The following SDK1 variants were observed in gnomAD, a reference collection of about 807,000 sequenced individuals.
The protein encoded by SDK1 is protein sidekick-1.
In SDK1, 157 loss-of-function variants were observed where a neutral mutation model predicts 245.5. That is an observed-to-expected ratio of 0.64 (90% CI 0.56 to 0.73). SDK1 has a LOEUF of 0.73. Ranked by LOEUF, SDK1 falls within the 30% of genes least tolerant of loss-of-function variation. SDK1 has a pLI of 0.00. For synonymous variants in SDK1, 1,647 were observed against 1,278.5 expected (o/e 1.29, Z -6.15); for missense variants, 3,583 against 3,002.3 (o/e 1.19, Z -4.52).
intron 27 of SDK1, 178 bp downstream of exon 27, chr7:4,130,275 G>A: frequency 1.5e-6 from 1 of 653,762 alleles, no homozygotes; most frequent in Non-Finnish European, 2.6e-6. Flanking sequence ...GCCAATTTCA[G>A]CCTGGAGTGG....
At position 3,302,627 on chromosome 7, in the gene SDK1, C is replaced by T. The variant is rs532328978; in HGVS notation, c.298+743C>T. On this transcript the variant is annotated intron_variant, in intron 1 of 44. Transcript: ENST00000404826. The stretch of plus-strand genomic sequence containing the variant: ...GCTTCCCTCCACCCCCTCCCCGCCC[C>T]CGACAAAACCCGTAACGTACCCCTG... Among the ~76,000 whole-genome samples the T allele has an allele frequency of 4.4e-3, 660 of 151,134 alleles. 4 individuals are homozygous for T. Among genetic ancestry groups the T allele is most frequent in the Non-Finnish European group, 7.0e-3 (477 of 67,718 alleles).
rs1781779663 is a variant in SDK1 at position 3,962,506 on chromosome 7, G to T, written c.1235-151G>T. On this transcript the variant is annotated intron_variant, in intron 8 of 44. Transcript: ENST00000404826. Reference sequence around the variant, plus strand: ...GTGTCGATGGCTTCATCTACAACGAGAAAAATAGCTCCTTATAGGGTGGTT... The same window carrying T: ...GTGTCGATGGCTTCATCTACAACGATAAAAATAGCTCCTTATAGGGTGGTT... 4 of 677,844 alleles carry T rather than the reference G, an allele frequency of 5.9e-6. No individual in the cohort carries two copies. The South Asian group carries it at 8.0e-5, about 14-fold the overall frequency. 42.0% of individuals were successfully genotyped at this position (677,844 alleles called of 1,614,324 possible).
chr7:4,059,712 C>T (rs1779414928), intron 19 of SDK1, among the ~76,000 whole-genome samples: 1 of 152,066 alleles, frequency 6.6e-6, no homozygotes, highest in Admixed American at 6.6e-5. Context: ...ATCTCAACAA[C>T]TTTTAAAAGA....
At position 3,950,953 on chromosome 7, in the gene SDK1, C is replaced by A. The variant is rs1171567610; in HGVS notation, c.878C>A (p.Pro293Gln). ...GTTGGCACACCTGAAACCATGGCCC[C>A]AACCATTGTGGTTCCCCCGGGCAAC... is the stretch of plus-strand genomic sequence containing the variant. Reference protein sequence around the residue: ...RDVGTPETMAPTIVVPPGNRS... With the variant: ...RDVGTPETMAQTIVVPPGNRS... Residue 293 changes from proline to glutamine, a missense_variant, in exon 6 of 45, where the codon CCA (proline) becomes CAA (glutamine). Physicochemically the swap from Pro to Gln is moderately conservative, Grantham distance 76 (BLOSUM62 -1). Transcript: ENST00000404826. 6.2e-7 allele frequency: 1 copy of A among 1,614,074 alleles called. No homozygotes were observed. Among genetic ancestry groups the A allele is most frequent in the Non-Finnish European group, 8.5e-7 (1 of 1,179,986 alleles).
At chr7:3,314,049 G>C (rs969143323) in intron 1 of SDK1, among the ~76,000 whole-genome samples, 1 of 152,110 alleles carries the variant, frequency 6.6e-6, no homozygotes, top group African/African-American at 2.4e-5. Context: ...TAGTTTATTA[G>C]GGCATACACA....
intron 33 of SDK1, 113 bp from the exon 34 acceptor site, chr7:4,175,662 G>A: frequency 2.3e-6 from 2 of 876,906 alleles, no homozygotes; most frequent in Non-Finnish European, 3.9e-6. Context: ...CGCAGCGTGG[G>A]AAGTGGCTGG....
intron 4 of SDK1, among the ~76,000 whole-genome samples, chr7:3,651,409 A>G (rs1316033457): frequency 6.6e-6 from 1 of 152,220 alleles, no homozygotes; most frequent in Admixed American, 6.5e-5. Flanking sequence ...GTTGTGAGAA[A>G]TGTGTTCATT....
intron 4 of SDK1, among the ~76,000 whole-genome samples, chr7:3,750,037 G>A (rs1169164121): frequency 6.6e-6 from 1 of 152,170 alleles, no homozygotes. Context: ...GTGTGTGTTA[G>A]GGTCCAATAA....
chr7:3,584,142 G>C (rs748090303), intron 1 of SDK1, among the ~76,000 whole-genome samples: 2 of 152,222 alleles, frequency 1.3e-5, no homozygotes, highest in South Asian at 2.1e-4. Flanking sequence ...ATTGTAAAAA[G>C]ATTCTGTGCT....
At chr7:3,872,821 C>T (rs1243546534) in intron 5 of SDK1, among the ~76,000 whole-genome samples, 1 of 152,046 alleles carries the variant, frequency 6.6e-6, no homozygotes, top group Non-Finnish European at 1.5e-5. Flanking sequence ...CCACATAATG[C>T]TATGCTGCTT....
intron 40 of SDK1, among the ~76,000 whole-genome samples, chr7:4,230,214 T>C (rs1267695343): frequency 7.2e-6 from 1 of 138,956 alleles, no homozygotes; most frequent in Non-Finnish European, 1.6e-5. Flanking sequence ...TGAGTAGATG[T>C]GTGGATGGAT....
At chr7:3,835,122 G>A (rs1404831050) in intron 5 of SDK1, among the ~76,000 whole-genome samples, 2 of 152,136 alleles carry the variant, frequency 1.3e-5, no homozygotes, top group African/African-American at 4.8e-5. Flanking sequence ...GGCCTGAATA[G>A]CAGCCTGGGC....
chr7:4,181,290 G>C (rs1444781918), intron 35 of SDK1, among the ~76,000 whole-genome samples: 1 of 152,226 alleles, frequency 6.6e-6, no homozygotes, highest in African/African-American at 2.4e-5. Flanking sequence ...CCTTTTCATG[G>C]CTGAGTAATA....
intron 1 of SDK1, among the ~76,000 whole-genome samples, chr7:3,518,484 A>G (rs1365087490): frequency 1.4e-5 from 2 of 139,500 alleles, no homozygotes; most frequent in African/African-American, 5.2e-5. Context: ...AAACATCTGA[A>G]CAGAAAAAAA....
Position 3,975,982 on chromosome 7 carries a change from GA to G in SDK1, c.1994+1438del, listed in dbSNP as rs1156767435. ...GCAGAGGGTCCTCCAGAGAATCACT[GA>G]GGGTCCCGGGGCTGAGGCTGCCACG... is the stretch of plus-strand genomic sequence containing the variant. On this transcript the variant is annotated intron_variant, in intron 13 of 44. Transcript: ENST00000404826. Among the ~76,000 whole-genome samples, 148 of 80,200 alleles carry G rather than the reference GA, an allele frequency of 1.8e-3. 6 individuals are homozygous for G. Among genetic ancestry groups the G allele is most frequent in the Non-Finnish European group, 2.2e-3 (83 of 38,464 alleles). 52.6% of individuals were successfully genotyped at this position (80,200 alleles called of 152,430 possible).
chr7:3,885,277 AC>A (rs1417414726), intron 5 of SDK1, among the ~76,000 whole-genome samples: 6 of 152,148 alleles, frequency 3.9e-5, no homozygotes. Context: ...TTTGGGAATA[AC>A]GTCTGTAAAC....
At chr7:3,798,303 T>C (rs1003273658) in intron 4 of SDK1, among the ~76,000 whole-genome samples, 2 of 145,250 alleles carry the variant, frequency 1.4e-5, no homozygotes, top group East Asian at 4.4e-4. Context: ...CTGCAAGCTC[T>C]ACCTCCTGGG....
intron 17 of SDK1, among the ~76,000 whole-genome samples, chr7:4,018,229 T>A (rs1786579496): frequency 6.6e-6 from 1 of 152,260 alleles, no homozygotes; most frequent in African/African-American, 2.4e-5. Flanking sequence ...TGCTTAGGCA[T>A]TTTTATTGCT....
intron 1 of SDK1, among the ~76,000 whole-genome samples, chr7:3,350,096 G>T (rs932717250): frequency 6.6e-6 from 1 of 152,128 alleles, no homozygotes; most frequent in Admixed American, 6.5e-5. Context: ...GGTGGGTAAG[G>T]TACCTACTAA....
Sources: gnomAD v4.1 joint callset for allele counts (sites outside exome capture counted in the v4.1 genomes callset) on GRCh38, gnomAD v4.1.1 for gene constraint, MANE v1.5 for transcripts, NCBI Gene and HGNC (gene_info 2026-07-23, HGNC 2026-07-21) for gene names.